Variants in CCDC169 observed in about 807,000 individuals in gnomAD.
CCDC169 encodes coiled-coil domain containing 169.
A neutral mutation model predicts 36.0 loss-of-function variants in CCDC169; 30 were observed. The observed-to-expected ratio is 0.83, with a 90% CI of 0.62 to 1.13. The LOEUF is 1.13. CCDC169 is among the 50% of genes most tolerant of loss of function. The probability of loss-of-function intolerance (pLI) is 0.00; values close to 1 mark genes in which losing one functional copy is unlikely to be tolerated. For missense variants in CCDC169, 245 were observed against 245.9 expected (o/e 1.00, Z 0.03); for synonymous variants, 85 against 81.5 (o/e 1.04, Z -0.23).
chr13:36,236,309 T>C (rs1871075170), intron 7 of CCDC169, among the ~76,000 whole-genome samples: 1 of 152,080 alleles, frequency 6.6e-6, no homozygotes, highest in Non-Finnish European at 1.5e-5. Flanking sequence ...GAGTTATAGA[T>C]CAATGAAACA....
At chr13:36,244,638 A>C (rs1480042593) in intron 7 of CCDC169, 1 of 150,586 alleles carries the variant, frequency 6.6e-6, no homozygotes, top group Admixed American at 6.7e-5. Context: ...GATTAGAGAA[A>C]GAAAGAAAAA....
At chr13:36,235,780 A>G (rs566454279) in intron 7 of CCDC169, among the ~76,000 whole-genome samples, 1 of 152,064 alleles carries the variant, frequency 6.6e-6, no homozygotes, top group Admixed American at 6.5e-5. Flanking sequence ...ACATGCATTT[A>G]TGAGATCTAA....
At chr13:36,280,215 C>G (rs1320532901) in intron 4 of CCDC169, 1 of 152,038 alleles carries the variant, frequency 6.6e-6, no homozygotes, top group Admixed American at 6.6e-5. Context: ...TCATGGTAGT[C>G]CTTGCCTATA....
At chr13:36,283,223 C>A (rs1011915517) in intron 4 of CCDC169, 16 of 484,988 alleles carry the variant, frequency 3.3e-5, no homozygotes, top group Non-Finnish European at 5.1e-5. Context: ...TGAAGGTTGG[C>A]GGTGATTCAA....
intron 6 of CCDC169, among the ~76,000 whole-genome samples, chr13:36,251,858 A>C (rs1192440111): frequency 6.6e-6 from 1 of 152,190 alleles, no homozygotes; most frequent in Non-Finnish European, 1.5e-5. Flanking sequence ...GAAAAGAAAC[A>C]CAGGAAAGTG....
At chr13:36,271,359 A>T (rs1876031106) in intron 4 of CCDC169, among the ~76,000 whole-genome samples, 1 of 152,208 alleles carries the variant, frequency 6.6e-6, no homozygotes, top group Non-Finnish European at 1.5e-5. Flanking sequence ...GATTCCTTAA[A>T]CAGCTAAAAG....
intron 4 of CCDC169, among the ~76,000 whole-genome samples, chr13:36,261,312 G>A (rs930843181): frequency 1.4e-4 from 21 of 151,978 alleles, no homozygotes; most frequent in African/African-American, 5.1e-4. Flanking sequence ...TCAATGTCTA[G>A]CCTGCCAATA....
intron 2 of CCDC169, among the ~76,000 whole-genome samples, chr13:36,292,776 G>A (rs1879055074): frequency 6.6e-6 from 1 of 152,206 alleles, no homozygotes; most frequent in Admixed American, 6.5e-5. Flanking sequence ...AATTCAGCAT[G>A]TTGGTCTGCT....
chr13:36,273,116 T>A (rs1321896349), intron 4 of CCDC169, among the ~76,000 whole-genome samples: 1 of 152,206 alleles, frequency 6.6e-6, no homozygotes, highest in Non-Finnish European at 1.5e-5. Context: ...TTTGTTTAAA[T>A]CACTCACCTG....
At chr13:36,256,103 G>A (rs1198870408) in intron 4 of CCDC169, among the ~76,000 whole-genome samples, 1 of 152,202 alleles carries the variant, frequency 6.6e-6, no homozygotes, top group Admixed American at 6.5e-5. Context: ...CAGCTGTGCA[G>A]GTTGCTGATG....
downstream of CCDC169, chr13:36,222,380 C>T (rs1480005497): frequency 6.6e-6 from 1 of 152,180 alleles, no homozygotes; most frequent in African/African-American, 2.4e-5. Context: ...TATGTAAAAA[C>T]AGAATTCCAG....
At chr13:36,233,783 G>T (rs1164217030) in intron 7 of CCDC169, among the ~76,000 whole-genome samples, 1 of 152,140 alleles carries the variant, frequency 6.6e-6, no homozygotes, top group Non-Finnish European at 1.5e-5. Flanking sequence ...AGAATAAAGT[G>T]AAGGAAATTA....
intron 4 of CCDC169, among the ~76,000 whole-genome samples, chr13:36,279,392 C>T (rs919891098): frequency 6.6e-6 from 1 of 152,160 alleles, no homozygotes; most frequent in Non-Finnish European, 1.5e-5. Context: ...ACTGAACTAA[C>T]TGTAGAGCTG....
At chr13:36,231,327 T>C in intron 7 of CCDC169, 35 bp from the exon 8 acceptor site, 1 of 1,545,254 alleles carries the variant, frequency 6.5e-7, no homozygotes. Flanking sequence ...AATTTTTCAG[T>C]CACCATTATG....
chr13:36,239,121 C>G (rs920131217), intron 7 of CCDC169, among the ~76,000 whole-genome samples: 3 of 151,916 alleles, frequency 2.0e-5, no homozygotes, highest in Non-Finnish European at 4.4e-5. Flanking sequence ...GCCTATAGTC[C>G]TAGCTACTCA....
downstream of CCDC169, among the ~76,000 whole-genome samples, chr13:36,228,927 C>T (rs145587920): frequency 3.5e-3 from 538 of 152,260 alleles, 8 homozygotes; most frequent in East Asian, 9.1e-3. Context: ...TATATTCCTT[C>T]TACAAAGGAA....
intron 2 of CCDC169, among the ~76,000 whole-genome samples, chr13:36,290,106 T>A (rs2138640367): frequency 6.6e-6 from 1 of 151,966 alleles, no homozygotes; most frequent in East Asian, 1.9e-4. Flanking sequence ...TACACATATC[T>A]CATCTAAAGA....
At chr13:36,271,528 T>C (rs934273140) in intron 4 of CCDC169, among the ~76,000 whole-genome samples, 2 of 152,034 alleles carry the variant, frequency 1.3e-5, no homozygotes, top group African/African-American at 4.8e-5. Flanking sequence ...AGCTAACAAG[T>C]AGATAAAGAA....
chr13:36,256,330 C>A (rs1873883865), intron 4 of CCDC169, among the ~76,000 whole-genome samples: 1 of 152,154 alleles, frequency 6.6e-6, no homozygotes, highest in Non-Finnish European at 1.5e-5. Context: ...TTAACTGACT[C>A]ATGGTTCTGC....
Sources: gnomAD v4.1 joint callset for allele counts (sites outside exome capture counted in the v4.1 genomes callset) on GRCh38, gnomAD v4.1.1 for gene constraint, MANE v1.5 for transcripts, NCBI Gene and HGNC (gene_info 2026-07-23, HGNC 2026-07-21) for gene names.